HTR2C: variants seen among roughly 807,000 people sequenced by gnomAD.
HTR2C encodes the protein 5-hydroxytryptamine (serotonin) receptor 2C, G protein-coupled.
In HTR2C, 5 loss-of-function variants were observed where a neutral mutation model predicts 21.0. That is an observed-to-expected ratio of 0.24 (90% CI 0.12 to 0.50). The LOEUF (loss-of-function observed/expected upper bound fraction) is 0.50, where lower values mean the gene tolerates loss of function less well. Ranked by LOEUF, HTR2C falls within the 20% of genes least tolerant of loss-of-function variation. The probability of loss-of-function intolerance (pLI) is 0.98; values close to 1 mark genes in which losing one functional copy is unlikely to be tolerated. For synonymous variants in HTR2C, 150 were observed against 145.3 expected, an observed-to-expected ratio of 1.03 and a Z score of -0.23; for missense variants, 271 against 371.2, an observed-to-expected ratio of 0.73 and a Z score of 2.22.
At chrX:114,693,092 T>A (rs1487555689) in intron 2 of HTR2C, among the ~76,000 whole-genome samples, 13 of 111,570 alleles carry the variant, frequency 1.2e-4, no homozygotes, top group Admixed American at 1.2e-3. Flanking sequence ...AATACAATAT[T>A]CCCTCAAGTA....
intron 2 of HTR2C, among the ~76,000 whole-genome samples, chrX:114,626,967 CATTAAA>C (rs1217906685): frequency 1.2e-4 from 13 of 111,332 alleles, no homozygotes; most frequent in African/African-American, 4.2e-4. Context: ...TCTCTGACTT[CATTAAA>C]CGTTATGATA....
chrX:114,629,998 A>G (rs1039419011), intron 2 of HTR2C, among the ~76,000 whole-genome samples: 1 of 111,387 alleles, frequency 9.0e-6, no homozygotes, highest in Non-Finnish European at 1.9e-5. Flanking sequence ...TTATTTGCCA[A>G]TGGCTGCTTG....
intron 4 of HTR2C, among the ~76,000 whole-genome samples, chrX:114,834,606 C>T (rs782792988): frequency 0.032 from 3,376 of 104,967 alleles, 60 homozygotes; most frequent in East Asian, 0.093. Context: ...TGTCTCTGCA[C>T]GTGAGATGGG....
At chrX:114,833,970 T>C (rs1474550119) in intron 4 of HTR2C, among the ~76,000 whole-genome samples, 1 of 109,696 alleles carries the variant, frequency 9.1e-6, no homozygotes, top group Non-Finnish European at 1.9e-5. Context: ...CCAGTAGTCA[T>C]TCAGGAGCAG....
intron 4 of HTR2C, among the ~76,000 whole-genome samples, chrX:114,796,680 C>T (rs782709656): frequency 8.1e-5 from 9 of 111,427 alleles, no homozygotes; most frequent in Admixed American, 5.8e-4. Flanking sequence ...TGTTTTCTTT[C>T]ATTTGGCTCC....
chrX:114,605,897 G>A (rs1288971423), intron 1 of HTR2C, among the ~76,000 whole-genome samples: 6 of 108,212 alleles, frequency 5.5e-5, no homozygotes, highest in Admixed American at 1.0e-4. Context: ...ATAAGAGGTT[G>A]GGGGGCAGAA....
intron 4 of HTR2C, among the ~76,000 whole-genome samples, chrX:114,736,594 A>G (rs1297947379): frequency 8.9e-6 from 1 of 111,901 alleles, no homozygotes; most frequent in African/African-American, 3.2e-5. Context: ...TTATGGGTGC[A>G]TTCTAATATG....
intron 4 of HTR2C, among the ~76,000 whole-genome samples, chrX:114,772,836 A>G (rs1186061900): frequency 2.7e-5 from 3 of 111,794 alleles, no homozygotes; most frequent in Non-Finnish European, 5.6e-5. Flanking sequence ...CTCTTGGTGG[A>G]TTACTCTTTC....
intron 4 of HTR2C, among the ~76,000 whole-genome samples, chrX:114,804,440 A>C (rs1476278996): frequency 1.8e-5 from 2 of 112,323 alleles, no homozygotes; most frequent in East Asian, 5.6e-4. Flanking sequence ...GCATATGATT[A>C]CTTTGTTTCT....
intron 4 of HTR2C, among the ~76,000 whole-genome samples, chrX:114,805,589 CATATATATACCAT>C (rs2070397107): frequency 1.5e-5 from 1 of 67,864 alleles, no homozygotes; most frequent in Non-Finnish European, 2.7e-5. Context: ...ATATATACAC[CATATATATACCAT>C]ATATATACAC....
In HTR2C at chrX:114,832,694, T is replaced by G. The variant is rs1342097479; in HGVS notation, c.350-15309T>G. On this transcript the variant is annotated intron_variant, in intron 4 of 5. Transcript: ENST00000276198. ...TTCCTAATTGAATACCCTTTATTTC[T>G]TTCTCCTGCCTAATTGTCCTGGCCA... 8.6e-5 allele frequency among the ~76,000 whole-genome samples: 3 copies of G among 35,000 alleles called. 1 individual carries two copies. In the Admixed American group the frequency reaches 1.8e-3, roughly 21 times the overall value. The allele number at this position is 35,000 out of a possible 115,157, so 30.4% of individuals were successfully genotyped here. A position where few individuals can be genotyped will look rare whatever the true frequency, so the allele number is the denominator to read the frequency against.
At position 114,907,260 on chromosome X, in the gene HTR2C, G is replaced by A. The variant is rs201575153; in HGVS notation, c.1222G>A (p.Gly408Arg). ...IPRVAATALSGRELNVNIYRH... is the reference protein window; with the variant it reads ...IPRVAATALSRRELNVNIYRH... ...AAGAGTTGCCGCCACTGCTTTGTCTGGGAGGGAGCTTAATGTTAACATTTA... is the reference window on the plus strand; with the variant it reads ...AAGAGTTGCCGCCACTGCTTTGTCTAGGAGGGAGCTTAATGTTAACATTTA... The change falls in exon 6 of 6, where the codon GGG becomes AGG. Residue 408 changes from glycine to arginine, a missense_variant. Physicochemically the swap from Gly to Arg is moderately radical, Grantham distance 125. Coordinates refer to ENST00000276198, the MANE Select transcript of HTR2C (RefSeq NM_000868.4). 4.1e-6 allele frequency: 5 copies of A among 1,209,559 alleles called. No homozygotes were observed. The highest frequency in any genetic ancestry group is 5.6e-6 in the Non-Finnish European group (5 of 895,056).
chrX:114,806,421 C>T (rs1486651383), intron 4 of HTR2C, among the ~76,000 whole-genome samples: 1 of 52,429 alleles, frequency 1.9e-5, no homozygotes, highest in African/African-American at 6.2e-5. Flanking sequence ...TATATATATA[C>T]TGTATATATA....
At chrX:114,585,363 C>CT (rs1427712168) in intron 1 of HTR2C, among the ~76,000 whole-genome samples, 45 of 111,078 alleles carry the variant, frequency 4.1e-4, no homozygotes, top group Non-Finnish European at 7.0e-4. Context: ...TCCAGTGAAC[C>CT]TTTTTTTAAA....
intron 2 of HTR2C, among the ~76,000 whole-genome samples, chrX:114,641,880 C>G (rs1342818536): frequency 9.0e-6 from 1 of 111,065 alleles, no homozygotes; most frequent in Admixed American, 9.6e-5. Flanking sequence ...CATCTTGATG[C>G]TCTCCCTCCC....
At chrX:114,837,609 A>G (rs782036639) in intron 4 of HTR2C, among the ~76,000 whole-genome samples, 4 of 110,407 alleles carry the variant, frequency 3.6e-5, no homozygotes, top group Admixed American at 9.7e-5. Context: ...ATTATTTTAT[A>G]TTTATCTTGT....
intron 2 of HTR2C, among the ~76,000 whole-genome samples, chrX:114,629,046 T>A (rs1556403598): frequency 5.3e-5 from 6 of 112,205 alleles, no homozygotes; most frequent in Admixed American, 9.5e-5. Context: ...CACATGTTAT[T>A]TTTCCATCTT....
intron 4 of HTR2C, among the ~76,000 whole-genome samples, chrX:114,844,108 G>T (rs2070856039): frequency 9.0e-6 from 1 of 111,464 alleles, no homozygotes; most frequent in Non-Finnish European, 1.9e-5. Context: ...ATTGTACTAT[G>T]GGTTTCTTAC....
At chrX:114,780,406 T>G (rs1289860202) in intron 4 of HTR2C, among the ~76,000 whole-genome samples, 1 of 111,675 alleles carries the variant, frequency 9.0e-6, no homozygotes, top group Non-Finnish European at 1.9e-5. Flanking sequence ...TATTGTCTTG[T>G]GGAAATTTGC....
Sources: gnomAD v4.1 joint callset for allele counts (sites outside exome capture counted in the v4.1 genomes callset) on GRCh38, gnomAD v4.1.1 for gene constraint, MANE v1.5 for transcripts, NCBI Gene and HGNC (gene_info 2026-07-23, HGNC 2026-07-21) for gene names.